Variants in RBFOX1 observed in about 807,000 individuals in gnomAD.
RBFOX1 encodes the protein RNA binding fox-1 homolog 1, also known as RNA binding protein fox-1 homolog 1.
RBFOX1 carries 8 observed loss-of-function variants against 57.7 expected under a neutral mutation model. The ratio of observed to expected loss-of-function variants is 0.14; its 90% CI spans 0.08 to 0.25. RBFOX1 has a LOEUF of 0.25. Among genes scored for constraint, RBFOX1 ranks in the 10% least tolerant of loss-of-function variants. The pLI, the probability that RBFOX1 is intolerant of heterozygous loss-of-function variation, is 1.00. For missense variants in RBFOX1, 611 were observed against 548.5 expected, an observed-to-expected ratio of 1.11 and a Z score of -1.14; for synonymous variants, 326 against 222.4, an observed-to-expected ratio of 1.47 and a Z score of -4.15.
intron 4 of RBFOX1, among the ~76,000 whole-genome samples, chr16:7,414,790 G>T: frequency 6.6e-6 from 1 of 152,064 alleles, no homozygotes; most frequent in East Asian, 1.9e-4. Context: ...GCCAATTTTT[G>T]TATGTTTAGT....
intron 3 of RBFOX1, among the ~76,000 whole-genome samples, chr16:5,749,509 G>C (rs1208614754): frequency 1.3e-5 from 2 of 152,160 alleles, no homozygotes; most frequent in African/African-American, 4.8e-5. Context: ...ACACCAATCA[G>C]ATGTAGATTT....
intron 4 of RBFOX1, among the ~76,000 whole-genome samples, chr16:7,263,489 G>A (rs1313480769): frequency 6.6e-6 from 1 of 152,156 alleles, no homozygotes; most frequent in Non-Finnish European, 1.5e-5. Flanking sequence ...CAGTGTCTCT[G>A]GATTTGGAGC....
intron 4 of RBFOX1, among the ~76,000 whole-genome samples, chr16:7,244,159 G>T (rs2094189511): frequency 8.0e-6 from 1 of 125,316 alleles, no homozygotes; most frequent in African/African-American, 3.0e-5. Flanking sequence ...TAACTCCAGA[G>T]AAAAAAAATC....
At chr16:6,283,432 G>T (rs888600848) in intron 1 of RBFOX1, among the ~76,000 whole-genome samples, 7 of 152,050 alleles carry the variant, frequency 4.6e-5, no homozygotes, top group African/African-American at 1.4e-4. Flanking sequence ...TTTTATCCCA[G>T]TCCTTCTCAA....
intron 3 of RBFOX1, among the ~76,000 whole-genome samples, chr16:6,915,399 C>G (rs56198696): frequency 0.26 from 39,396 of 152,158 alleles, 5,330 homozygotes; most frequent in Middle Eastern, 0.32. Flanking sequence ...CATGTCACTT[C>G]TGAACTGTTT....
chr16:6,051,324 TTTTC>T (rs1388563692), intron 1 of RBFOX1, among the ~76,000 whole-genome samples: 3 of 151,470 alleles, frequency 2.0e-5, no homozygotes, highest in Admixed American at 6.6e-5. Flanking sequence ...GAGTTCAGAG[TTTTC>T]TTTCTTTCCT....
chr16:6,374,796 C>A (rs1200094406), intron 2 of RBFOX1, among the ~76,000 whole-genome samples: 1 of 152,188 alleles, frequency 6.6e-6, no homozygotes, highest in Non-Finnish European at 1.5e-5. Flanking sequence ...AAACACCTTC[C>A]TTTGAAGTCA....
intron 2 of RBFOX1, among the ~76,000 whole-genome samples, chr16:5,541,013 C>G (rs1395792337): frequency 6.6e-6 from 1 of 152,004 alleles, no homozygotes; most frequent in Non-Finnish European, 1.5e-5. Context: ...CCCCGCCTGG[C>G]TAATTTTTGT....
chr16:6,676,844 T>G (rs532613109), intron 3 of RBFOX1, among the ~76,000 whole-genome samples: 1 of 151,804 alleles, frequency 6.6e-6, no homozygotes, highest in East Asian at 2.0e-4. Context: ...CCCAGCTAAT[T>G]TTTGTATTTT....
At chr16:5,989,880 A>ACACACACACACACACACACACC (rs33912010) in intron 4 of RBFOX1, among the ~76,000 whole-genome samples, 11,812 of 127,018 alleles carry the variant, frequency 0.093, 944 homozygotes, top group Non-Finnish European at 0.12. Flanking sequence ...ACACACACAC[A>ACACACACACACACACACACACC]CCACCCCTGT....
intron 1 of RBFOX1, among the ~76,000 whole-genome samples, chr16:6,101,636 G>A (rs2152557734): frequency 6.6e-6 from 1 of 152,242 alleles, no homozygotes; most frequent in South Asian, 2.1e-4. Context: ...ACAGGCACTG[G>A]CCACCAGGCC....
intron 4 of RBFOX1, among the ~76,000 whole-genome samples, chr16:7,076,182 C>A (rs1033269731): frequency 6.6e-6 from 1 of 151,706 alleles, no homozygotes; most frequent in African/African-American, 2.4e-5. Flanking sequence ...CCTAGAACTA[C>A]AGGTGCACTA....
chr16:6,424,462 T>G (rs1373373819), intron 2 of RBFOX1, among the ~76,000 whole-genome samples: 1 of 152,102 alleles, frequency 6.6e-6, no homozygotes. Flanking sequence ...ATGGAAACAT[T>G]TCTAAACATT....
intron 4 of RBFOX1, among the ~76,000 whole-genome samples, chr16:5,971,281 A>AT (rs1419015402): frequency 4.6e-5 from 7 of 152,252 alleles, no homozygotes. Flanking sequence ...TTAGGCTCCC[A>AT]TAACAGTCCT....
intron 4 of RBFOX1, chr16:7,328,937 G>A (rs1005567209): frequency 2.6e-5 from 4 of 152,000 alleles, no homozygotes; most frequent in Admixed American, 1.3e-4. Flanking sequence ...AGGTAAGAAT[G>A]GTGTTTGCAT....
chr16:6,400,096 T>G (rs895532209), intron 2 of RBFOX1, among the ~76,000 whole-genome samples: 15 of 152,178 alleles, frequency 9.9e-5, no homozygotes, highest in Non-Finnish European at 1.5e-5. Flanking sequence ...AACAACACTA[T>G]CTACCAACTT....
intron 2 of RBFOX1, among the ~76,000 whole-genome samples, chr16:5,536,161 T>C (rs1483187941): frequency 6.8e-6 from 1 of 146,822 alleles, no homozygotes; most frequent in Non-Finnish European, 1.5e-5. Flanking sequence ...TCTCCTCTCA[T>C]ATTTTTCTTA....
At chr16:6,079,516 G>A (rs2095965922) in intron 1 of RBFOX1, among the ~76,000 whole-genome samples, 1 of 152,186 alleles carries the variant, frequency 6.6e-6, no homozygotes, top group African/African-American at 2.4e-5. Context: ...TAGAGATGAG[G>A]TCTTGCTGTG....
At chr16:5,492,174 G>C (rs1284636969) in intron 2 of RBFOX1, among the ~76,000 whole-genome samples, 1 of 152,208 alleles carries the variant, frequency 6.6e-6, no homozygotes, top group African/African-American at 2.4e-5. Flanking sequence ...CATGCTCAAA[G>C]TATAAGAACC....
Sources: gnomAD v4.1 joint callset for allele counts (sites outside exome capture counted in the v4.1 genomes callset) on GRCh38, gnomAD v4.1.1 for gene constraint, MANE v1.5 for transcripts, NCBI Gene and HGNC (gene_info 2026-07-23, HGNC 2026-07-21) for gene names.